Variants in AGAP1 observed in about 807,000 individuals in gnomAD.
The protein encoded by AGAP1 is arf-GAP with GTPase, ANK repeat and PH domain-containing protein 1.
In AGAP1, 29 loss-of-function variants were observed where a neutral mutation model predicts 105.3. That is an observed-to-expected ratio of 0.28 (90% CI 0.21 to 0.38). AGAP1 has a LOEUF of 0.38. Ranked by LOEUF, AGAP1 falls within the 10% of genes least tolerant of loss-of-function variation. The pLI is 1.00. For missense variants in AGAP1, 998 were observed against 1,165.1 expected, an observed-to-expected ratio of 0.86 and a Z score of 2.09; for synonymous variants, 509 against 485.9, an observed-to-expected ratio of 1.05 and a Z score of -0.63.
Position 236,076,158 on chromosome 2 carries a change from A to T in AGAP1, c.2114+26877A>T, listed in dbSNP as rs2058630698. Reference sequence around the variant, plus strand: ...ACAAGAGAATATTGTGGAGTTTTTTAAAGTCTTGAGGCGGGGCGCCGTGGC... The same window carrying T: ...ACAAGAGAATATTGTGGAGTTTTTTTAAGTCTTGAGGCGGGGCGCCGTGGC... On this transcript the variant is annotated intron_variant, in intron 16 of 17. Transcript: ENST00000304032. The surrounding 1 kb of genome is among the most constrained non-coding windows in gnomAD (Gnocchi z 4.4). 6.6e-6 allele frequency among the ~76,000 whole-genome samples: 1 copy of T among 152,134 alleles called. No homozygotes were observed. The highest frequency in any genetic ancestry group is 2.4e-5 in the African/African-American group (1 of 41,450).
At chr2:235,948,970 G>C (rs113109753) in intron 12 of AGAP1, among the ~76,000 whole-genome samples, 6 of 152,134 alleles carry the variant, frequency 3.9e-5, no homozygotes, top group Non-Finnish European at 7.3e-5. Flanking sequence ...TCCACAATAC[G>C]ATGAATCACA....
In AGAP1 at chr2:235,888,686, C is replaced by T. The variant is rs1465650001; in HGVS notation, c.1155+5237C>T. 6.6e-6 allele frequency among the ~76,000 whole-genome samples: 1 copy of T among 151,418 alleles called. No individual in the cohort carries two copies. Among genetic ancestry groups the T allele is most frequent in the Non-Finnish European group, 1.5e-5 (1 of 67,946 alleles). ...TGCCACTGCACTCCAGCTTGGGCGA[C>T]CATGCAAGACCCTGTCTTTAAAAAA... On this transcript the variant is annotated intron_variant, in intron 10 of 17. Coordinates refer to ENST00000304032, the MANE Select transcript of AGAP1 (RefSeq NM_001037131.3). This position sits in a 1 kb window ranked among gnomAD's most constrained non-coding sequence, Gnocchi z 4.8.
At chr2:235,915,343 TTA>T (rs1448730118) in intron 11 of AGAP1, among the ~76,000 whole-genome samples, 8 of 152,202 alleles carry the variant, frequency 5.3e-5, no homozygotes, top group African/African-American at 1.9e-4. Context: ...ATTTAATACG[TTA>T]GTTATTAATG....
intron 6 of AGAP1, among the ~76,000 whole-genome samples, chr2:235,785,031 C>T (rs1043008732): frequency 2.0e-5 from 3 of 152,162 alleles, no homozygotes; most frequent in African/African-American, 7.2e-5. Flanking sequence ...CACTTCTTCC[C>T]GTGCACAGGG....
rs140722280 is a variant in AGAP1, at chr2:235,963,553, A to G, written c.1484-4909A>G. On this transcript the variant is annotated intron_variant, in intron 12 of 17. Transcript: ENST00000304032. This position sits in a 1 kb window ranked among gnomAD's most constrained non-coding sequence, Gnocchi z 5.1. ...TATAGCCCTCAGCAGAGTATTTGAC[A>G]AGATTTTTCCTTGGTTTCCTCATAG... 2.3e-3 allele frequency among the ~76,000 whole-genome samples: 353 copies of G among 152,346 alleles called. No homozygotes were observed. The highest frequency in any genetic ancestry group is 8.1e-3 in the African/African-American group (337 of 41,582).
intron 1 of AGAP1, among the ~76,000 whole-genome samples, chr2:235,687,156 T>C (rs2149425960): frequency 6.6e-6 from 1 of 152,306 alleles, no homozygotes; most frequent in African/African-American, 2.4e-5. Flanking sequence ...GGATGCACCC[T>C]AGCTCTAAAA....
At chr2:235,765,886 G>A (rs1008274663) in intron 6 of AGAP1, among the ~76,000 whole-genome samples, 3 of 152,232 alleles carry the variant, frequency 2.0e-5, no homozygotes, top group Non-Finnish European at 4.4e-5. Context: ...CCAAGGTAGT[G>A]CTTACATTTC....
At position 235,682,819 on chromosome 2, in the gene AGAP1, T is replaced by TG. The variant is rs1559345184; in HGVS notation, c.164-26360_164-26359insG. Among the ~76,000 whole-genome samples, 3 of 151,656 alleles carry TG rather than the reference T, an allele frequency of 2.0e-5. No individual in the cohort carries two copies. In the East Asian group the frequency reaches 5.8e-4, roughly 29 times the overall value. On this transcript the variant is annotated intron_variant, in intron 1 of 17. Transcript: ENST00000304032. ...ACACGTGTGTGTGTGTGTGTGTGTG[T>TG]TTTCAGGCAGCACGAGCACGGAATT... is the stretch of plus-strand genomic sequence containing the variant.
intron 16 of AGAP1, among the ~76,000 whole-genome samples, chr2:236,116,452 C>T (rs1218399377): frequency 2.0e-5 from 3 of 151,418 alleles, no homozygotes; most frequent in Non-Finnish European, 4.4e-5. Flanking sequence ...TGGATTCAAG[C>T]AATTCTCCTG....
intron 15 of AGAP1, among the ~76,000 whole-genome samples, chr2:236,041,221 C>T (rs761694575): frequency 2.0e-5 from 3 of 151,406 alleles, no homozygotes; most frequent in African/African-American, 7.3e-5. Context: ...ATTAACTAGG[C>T]GTGGCAGCTG....
chr2:236,027,704 G>C lies in AGAP1; in HGVS notation c.1646-8857G>C, dbSNP rs55649242. Among the ~76,000 whole-genome samples, 40,835 of 152,080 alleles carry C rather than the reference G, an allele frequency of 0.27. 7,077 individuals carry two copies. Among genetic ancestry groups the C allele is most frequent in the African/African-American group, 0.5 (20,581 of 41,476 alleles). ...TTGACGAGACAGAGGGGGCCATCTT[G>C]TGCTTCTCCAGGGCTAGGATGAACC... On this transcript the variant is annotated intron_variant, in intron 13 of 17. Transcript: ENST00000304032. The surrounding 1 kb of genome is among the most constrained non-coding windows in gnomAD (Gnocchi z 4.4).
At position 235,891,896 on chromosome 2, in the gene AGAP1, G is replaced by A. The variant is rs530602949; in HGVS notation, c.1155+8447G>A. Among the ~76,000 whole-genome samples, 14 of 152,286 alleles carry A rather than the reference G, an allele frequency of 9.2e-5. No individual in the cohort carries two copies. Among genetic ancestry groups the A allele is most frequent in the African/African-American group, 3.4e-4 (14 of 41,558 alleles). ...TGGCCAGGTGTGGTGGCTCACACCT[G>A]TAATCCCAGCACTTTGGGAGGCTGA... On this transcript the variant is annotated intron_variant, in intron 10 of 17. Coordinates refer to ENST00000304032, the MANE Select transcript of AGAP1 (RefSeq NM_001037131.3). The surrounding 1 kb of genome is among the most constrained non-coding windows in gnomAD (Gnocchi z 4.2).
chr2:235,960,796 C>G lies in AGAP1; in HGVS notation c.1484-7666C>G, dbSNP rs2054148920. ...CGTGGGGACACTCAACAGGGAGATG[C>G]TTTCTCTGTGTCAATAGACTTCACT... is the stretch of plus-strand genomic sequence containing the variant. On this transcript the variant is annotated intron_variant, in intron 12 of 17. Coordinates refer to ENST00000304032, the MANE Select transcript of AGAP1 (RefSeq NM_001037131.3). The surrounding 1 kb of genome is among the most constrained non-coding windows in gnomAD (Gnocchi z 4.9). Among the ~76,000 whole-genome samples, 1 of 152,204 alleles carries G rather than the reference C, an allele frequency of 6.6e-6. No individual in the cohort carries two copies. The highest frequency in any genetic ancestry group is 2.1e-4 in the South Asian group (1 of 4,832).
chr2:235,618,276 A>G (rs763624253), intron 1 of AGAP1, among the ~76,000 whole-genome samples: 2 of 152,184 alleles, frequency 1.3e-5, no homozygotes, highest in Non-Finnish European at 2.9e-5. Flanking sequence ...CTAAACCACA[A>G]GAGCTGGAAA....
chr2:235,798,005 G>A, intron 7 of AGAP1, 119 bp downstream of exon 7: 2 of 1,253,670 alleles, frequency 1.6e-6, no homozygotes, highest in Non-Finnish European at 1.1e-6. Context: ...GTAACAGCAT[G>A]TTGTAATTGA....
At chr2:235,804,195 C>T (rs1191447893) in intron 8 of AGAP1, among the ~76,000 whole-genome samples, 2 of 152,226 alleles carry the variant, frequency 1.3e-5, no homozygotes, top group African/African-American at 2.4e-5. Context: ...TCTATATTAT[C>T]TGTGTCCATG....
At chr2:235,643,590 A>G (rs1043659038) in intron 1 of AGAP1, among the ~76,000 whole-genome samples, 2 of 152,046 alleles carry the variant, frequency 1.3e-5, no homozygotes, top group African/African-American at 4.8e-5. Flanking sequence ...TTTGACAGAA[A>G]GGGATAGATC....
At chr2:235,697,609 T>C (rs1331621314) in intron 1 of AGAP1, among the ~76,000 whole-genome samples, 1 of 152,200 alleles carries the variant, frequency 6.6e-6, no homozygotes, top group Non-Finnish European at 1.5e-5. Flanking sequence ...CTTAGTCTGC[T>C]CTTGTGGCGA....
intron 16 of AGAP1, among the ~76,000 whole-genome samples, chr2:236,084,261 G>T (rs1470323226): frequency 6.6e-6 from 1 of 152,084 alleles, no homozygotes; most frequent in Non-Finnish European, 1.5e-5. Context: ...ACTTAAACAA[G>T]TGTATTCAGT....
Sources: gnomAD v4.1 joint callset for allele counts (sites outside exome capture counted in the v4.1 genomes callset) on GRCh38, gnomAD v4.1.1 for gene constraint, Gnocchi (gnomAD v3.1) non-coding constraint, MANE v1.5 for transcripts, NCBI Gene and HGNC (gene_info 2026-07-23, HGNC 2026-07-21) for gene names.